Variants in MGAT4C observed in about 807,000 individuals in gnomAD.
The protein encoded by MGAT4C is MGAT4 family member C, also known as alpha-1,3-mannosyl-glycoprotein 4-beta-N-acetylglucosaminyltransferase C.
In MGAT4C, 19 loss-of-function variants were observed where a neutral mutation model predicts 40.1. The observed-to-expected ratio is 0.47, with a 90% CI of 0.33 to 0.70. The LOEUF is 0.70. MGAT4C is among the 30% of genes least tolerant of loss of function. The pLI is 0.02. For missense variants in MGAT4C, 491 were observed against 563.2 expected (o/e 0.87, Z 1.30); for synonymous variants, 181 against 187.1 (o/e 0.97, Z 0.27).
chr12:86,276,116 A>AG (rs1202915265), intron 4 of MGAT4C, among the ~76,000 whole-genome samples: 1 of 17,928 alleles, frequency 5.6e-5, no homozygotes, highest in Non-Finnish European at 1.6e-4. Context: ...AGACTCCGTC[A>AG]AAAAAAAAAA....
intron 4 of MGAT4C, among the ~76,000 whole-genome samples, chr12:86,298,428 G>A (rs6538032): frequency 0.65 from 98,074 of 151,956 alleles, 32,620 homozygotes; most frequent in South Asian, 0.78. Context: ...TCTGAAAACC[G>A]ATTTAATGTT....
In MGAT4C at chr12:86,749,611, A is replaced by G. The variant is rs796934913; in HGVS notation, c.-261-22370T>C. Among the ~76,000 whole-genome samples, 11 of 151,926 alleles carry G rather than the reference A, an allele frequency of 7.2e-5. 1 individual carries two copies. Among genetic ancestry groups the G allele is most frequent in the African/African-American group, 2.4e-4 (10 of 41,524 alleles). ...TACAACTTTCCTCCCCCTACTAAAT[A>G]ATTAAAGACAAATCTGGCTTTTATG... On this transcript the variant is annotated intron_variant, in intron 1 of 7. Transcript: ENST00000548651.
chr12:86,029,414 A>T (rs1890536107), intron 2 of MGAT4C, among the ~76,000 whole-genome samples: 1 of 151,886 alleles, frequency 6.6e-6, no homozygotes, highest in East Asian at 1.9e-4. Flanking sequence ...AATACATACA[A>T]ACTTATGTAA....
chr12:86,337,358 A>G (rs984607678), intron 3 of MGAT4C, among the ~76,000 whole-genome samples: 2 of 152,020 alleles, frequency 1.3e-5, no homozygotes, highest in African/African-American at 4.8e-5. Context: ...GCACTTTGAG[A>G]GTCCGAGGAA....
chr12:86,500,735 T>C (rs1197496801), intron 2 of MGAT4C, among the ~76,000 whole-genome samples: 5 of 152,030 alleles, frequency 3.3e-5, no homozygotes, highest in Non-Finnish European at 5.9e-5. Flanking sequence ...ATGATGTTTA[T>C]ATAACTTTGT....
intron 2 of MGAT4C, among the ~76,000 whole-genome samples, chr12:86,661,998 T>C (rs1030378366): frequency 6.6e-6 from 1 of 152,070 alleles, no homozygotes; most frequent in Non-Finnish European, 1.5e-5. Context: ...TACTCTTCTG[T>C]ATATTTAGTT....
At chr12:86,001,237 A>T (rs552799265) in intron 2 of MGAT4C, among the ~76,000 whole-genome samples, 5 of 152,294 alleles carry the variant, frequency 3.3e-5, no homozygotes, top group African/African-American at 1.2e-4. Context: ...ATGATTTTCA[A>T]TCCACTAACT....
At chr12:86,293,947 G>A (rs1412127880) in intron 4 of MGAT4C, among the ~76,000 whole-genome samples, 2 of 152,004 alleles carry the variant, frequency 1.3e-5, no homozygotes, top group African/African-American at 2.4e-5. Flanking sequence ...TTTCCTTTAT[G>A]AATTAATCCA....
At chr12:86,795,547 A>G (rs1952099282) in intron 1 of MGAT4C, among the ~76,000 whole-genome samples, 1 of 151,940 alleles carries the variant, frequency 6.6e-6, no homozygotes, top group Non-Finnish European at 1.5e-5. Context: ...TCAAGCTTAA[A>G]AACGGCATTG....
chr12:86,751,708 C>A (rs2136141938), intron 1 of MGAT4C, among the ~76,000 whole-genome samples: 1 of 152,118 alleles, frequency 6.6e-6, no homozygotes, highest in South Asian at 2.1e-4. Context: ...AAGCACATTG[C>A]TTAATTTATT....
chr12:86,207,718 T>C lies in MGAT4C; in HGVS notation c.-57+48521A>G, dbSNP rs543955092. Among the ~76,000 whole-genome samples, 3 of 152,288 alleles carry C rather than the reference T, an allele frequency of 2.0e-5. No homozygotes were observed. The East Asian group carries it at 5.8e-4, about 29-fold the overall frequency. ...CCTGCAATAACTTATGTAGGTAATA[T>C]GTAGGATTCAAGGTGGCAAAAATAG... On this transcript the variant is annotated intron_variant, in intron 1 of 4. Transcript: ENST00000611864.
At chr12:86,102,378 T>C (rs1419787357) in intron 1 of MGAT4C, among the ~76,000 whole-genome samples, 2 of 152,024 alleles carry the variant, frequency 1.3e-5, no homozygotes, top group Non-Finnish European at 2.9e-5. Flanking sequence ...CAGTAATATA[T>C]GTTATGTAAA....
chr12:86,232,102 T>G (rs888996187), intron 1 of MGAT4C, among the ~76,000 whole-genome samples: 9 of 129,046 alleles, frequency 7.0e-5, no homozygotes, highest in Non-Finnish European at 1.2e-4. Flanking sequence ...GCCACCGTAC[T>G]CCAGCCTGGG....
At chr12:85,985,250 C>A (rs1885079517) in intron 3 of MGAT4C, among the ~76,000 whole-genome samples, 1 of 152,176 alleles carries the variant, frequency 6.6e-6, no homozygotes, top group African/African-American at 2.4e-5. Flanking sequence ...AGCTCAGATA[C>A]AAGTTTTACA....
At chr12:86,817,543 G>T (rs1952630084) in intron 1 of MGAT4C, among the ~76,000 whole-genome samples, 1 of 151,302 alleles carries the variant, frequency 6.6e-6, no homozygotes, top group Non-Finnish European at 1.5e-5. Flanking sequence ...TTTAAAAATT[G>T]TTCTTTCTGT....
At chr12:86,160,571 T>C (rs1019036592) in intron 1 of MGAT4C, among the ~76,000 whole-genome samples, 1 of 152,058 alleles carries the variant, frequency 6.6e-6, no homozygotes, top group African/African-American at 2.4e-5. Flanking sequence ...TGGTGTGTTT[T>C]GTAGATGTTT....
chr12:86,714,368 G>A (rs561253196), intron 2 of MGAT4C, among the ~76,000 whole-genome samples: 1 of 152,170 alleles, frequency 6.6e-6, no homozygotes, highest in South Asian at 2.1e-4. Context: ...ACAAAGCAGG[G>A]AGGCAGAGAA....
At chr12:86,080,729 G>T (rs1040473956) in intron 1 of MGAT4C, among the ~76,000 whole-genome samples, 2 of 151,846 alleles carry the variant, frequency 1.3e-5, no homozygotes, top group African/African-American at 4.8e-5. Flanking sequence ...AAATTAATAG[G>T]CATGAAAGAA....
At chr12:86,085,363 C>T (rs930576719) in intron 1 of MGAT4C, among the ~76,000 whole-genome samples, 1 of 152,006 alleles carries the variant, frequency 6.6e-6, no homozygotes, top group African/African-American at 2.4e-5. Flanking sequence ...TTTAATCCAT[C>T]GTAAGTTAAT....
Sources: gnomAD v4.1 joint callset for allele counts (sites outside exome capture counted in the v4.1 genomes callset) on GRCh38, gnomAD v4.1.1 for gene constraint, MANE v1.5 for transcripts, NCBI Gene and HGNC (gene_info 2026-07-23, HGNC 2026-07-21) for gene names.